The following FAT4 variants were observed in gnomAD, a reference collection of about 807,000 sequenced individuals.
FAT4 encodes the protein protocadherin Fat 4.
FAT4 carries 84 observed loss-of-function variants against 303.9 expected under a neutral mutation model. The observed-to-expected ratio is 0.28, with a 90% CI of 0.23 to 0.33. The LOEUF (loss-of-function observed/expected upper bound fraction) is 0.33, where lower values mean the gene tolerates loss of function less well. Ranked by LOEUF, FAT4 falls within the 10% of genes least tolerant of loss-of-function variation. FAT4 has a pLI of 1.00. For synonymous variants in FAT4, 2,307 were observed against 2,298.8 expected, an observed-to-expected ratio of 1.00 and a Z score of -0.10; for missense variants, 6,005 against 6,146.8, an observed-to-expected ratio of 0.98 and a Z score of 0.77.
chr4:125,372,967 A>T (rs1733181940), intron 2 of FAT4, among the ~76,000 whole-genome samples: 2 of 152,182 alleles, frequency 1.3e-5, no homozygotes, highest in South Asian at 2.1e-4. Flanking sequence ...AAAAACTCTA[A>T]GCCCGACAAC....
chr4:125,452,563 G>A lies in FAT4; in HGVS notation c.11553G>A (p.Lys3851=). Residue 3851 remains lysine, a synonymous_variant, in exon 10 of 18, where the codon AAG becomes AAA. Coordinates refer to ENST00000394329, the MANE Select transcript of FAT4 (RefSeq NM_001291303.3). ...ANEPLQPFLC[K]CLPGYAGSWC... ...AACCTCTGCAGCCTTTCTTATGCAA[G>A]TGTCTGCCAGGATATGCGGGTAGCT... 1.2e-6 allele frequency: 2 copies of A among 1,614,168 alleles called. No individual in the cohort carries two copies. The highest frequency in any genetic ancestry group is 1.7e-6 in the Non-Finnish European group (2 of 1,180,040).
At chr4:125,474,305 C>G (rs998131600) in intron 12 of FAT4, among the ~76,000 whole-genome samples, 1 of 151,896 alleles carries the variant, frequency 6.6e-6, no homozygotes, top group Non-Finnish European at 1.5e-5. Flanking sequence ...TACAAGGATA[C>G]TTGCATAATA....
In FAT4 at chr4:125,446,314, C is replaced by T. The variant is rs780496895; in HGVS notation, c.7221C>T (p.Asn2407=). Residue 2407 remains asparagine, a synonymous_variant, in exon 9 of 18, where the codon AAC becomes AAT. Coordinates refer to ENST00000394329, the MANE Select transcript of FAT4 (RefSeq NM_001291303.3). ...TTAGTTATAGGATCATCGGTGGAAA[C>T]TCTCAGTTCACGATCAACCCATCGA... ...AVISYRIIGG[N]SQFTINPSTG... 1.2e-5 allele frequency: 19 copies of T among 1,612,828 alleles called. No homozygotes were observed. The highest frequency in any genetic ancestry group is 1.6e-5 in the Non-Finnish European group (19 of 1,179,100).
At chr4:125,333,862 A>G (rs1039974025) in intron 2 of FAT4, among the ~76,000 whole-genome samples, 2 of 152,302 alleles carry the variant, frequency 1.3e-5, no homozygotes, top group Non-Finnish European at 2.9e-5. Context: ...AATAACTATC[A>G]CATACACTCT....
At chr4:125,394,947 A>AT (rs983595757) in intron 2 of FAT4, among the ~76,000 whole-genome samples, 1 of 152,154 alleles carries the variant, frequency 6.6e-6, no homozygotes, top group Non-Finnish European at 1.5e-5. Context: ...TCTTTTATAT[A>AT]TTTTGGTGAC....
intron 8 of FAT4, among the ~76,000 whole-genome samples, chr4:125,435,262 A>G (rs1281323482): frequency 1.3e-5 from 2 of 152,192 alleles, no homozygotes; most frequent in East Asian, 3.8e-4. Flanking sequence ...CTTCTTCCAT[A>G]TCTATTCTAA....
intron 3 of FAT4, among the ~76,000 whole-genome samples, chr4:125,399,584 C>A (rs1734306730): frequency 6.6e-6 from 1 of 151,962 alleles, no homozygotes; most frequent in South Asian, 2.1e-4. Context: ...TTCTTCCTCT[C>A]ATCTAAACTC....
rs72675324 is a variant in FAT4, at chr4:125,395,145, T to C, written c.5176-3639T>C. Among the ~76,000 whole-genome samples, 944 of 152,184 alleles carry C rather than the reference T, an allele frequency of 6.2e-3. 6 individuals carry two copies. Among genetic ancestry groups the C allele is most frequent in the Non-Finnish European group, 9.9e-3 (671 of 68,006 alleles). On this transcript the variant is annotated intron_variant, in intron 2 of 17. Transcript: ENST00000394329. ...TATCTATGCTAATGAGTTCAGATCT[T>C]CTCTCCTAGATAATTAAAACCGCAG...
chr4:125,388,331 ACTT>A (rs2126004440), intron 2 of FAT4, among the ~76,000 whole-genome samples: 1 of 152,286 alleles, frequency 6.6e-6, no homozygotes, highest in East Asian at 1.9e-4. Context: ...AAATCAAACC[ACTT>A]CTTTATTTTT....
intron 2 of FAT4, among the ~76,000 whole-genome samples, chr4:125,370,017 A>G (rs576788257): frequency 6.6e-6 from 1 of 152,186 alleles, no homozygotes; most frequent in South Asian, 2.1e-4. Flanking sequence ...TTTATCAAAA[A>G]TGGACACTTG....
chr4:125,380,839 GC>G (rs1464150052), intron 2 of FAT4, among the ~76,000 whole-genome samples: 2 of 152,080 alleles, frequency 1.3e-5, no homozygotes, highest in African/African-American at 2.4e-5. Context: ...TAATTTTTGT[GC>G]ATTTACTGGA....
chr4:125,451,633 A>C lies in FAT4; in HGVS notation c.10623A>C (p.Pro3541=). 6.2e-7 allele frequency: 1 copy of C among 1,614,132 alleles called. No homozygotes were observed. Among genetic ancestry groups the C allele is most frequent in the Non-Finnish European group, 8.5e-7 (1 of 1,180,002 alleles). The change falls in exon 10 of 18, where the codon CCA becomes CCC. Residue 3541 remains proline, a synonymous_variant. Coordinates refer to ENST00000394329, the MANE Select transcript of FAT4 (RefSeq NM_001291303.3). ...TLQSTDPDLP[P]NQGPFTYYLL... ...AGTCCACTGACCCTGATCTCCCTCC[A>C]AATCAAGGTCCCTTTACTTATTACT...
rs370341667 is a variant in FAT4 at position 125,459,115 on chromosome 4, G to A, written c.11801-4448G>A. 8.6e-5 allele frequency among the ~76,000 whole-genome samples: 13 copies of A among 151,986 alleles called. 1 individual carries two copies. The highest frequency in any genetic ancestry group is 2.6e-4 in the African/African-American group (11 of 41,526). ...CCATCTCCTCTGTGTAGAAATACAG[G>A]AGATTTAAAAATAATATTTATGGTA... On this transcript the variant is annotated intron_variant, in intron 10 of 17. Coordinates refer to ENST00000394329, the MANE Select transcript of FAT4 (RefSeq NM_001291303.3).
intron 16 of FAT4, among the ~76,000 whole-genome samples, chr4:125,484,461 T>C (rs1727339692): frequency 6.6e-6 from 1 of 152,170 alleles, no homozygotes; most frequent in African/African-American, 2.4e-5. Flanking sequence ...CTTTTGTGTT[T>C]GTCTGGTTTT....
At chr4:125,479,489 A>G (rs1473538815) in intron 14 of FAT4, among the ~76,000 whole-genome samples, 1 of 152,174 alleles carries the variant, frequency 6.6e-6, no homozygotes, top group East Asian at 1.9e-4. Context: ...AATTAATTTA[A>G]AGAAGAAATT....
chr4:125,360,974 T>G (rs981342709), intron 2 of FAT4, among the ~76,000 whole-genome samples: 1 of 147,486 alleles, frequency 6.8e-6, no homozygotes, highest in Non-Finnish European at 1.5e-5. Context: ...TTTTTATTAT[T>G]ATTTATTTTA....
At chr4:125,344,303 G>A (rs1040285786) in intron 2 of FAT4, among the ~76,000 whole-genome samples, 2 of 152,018 alleles carry the variant, frequency 1.3e-5, no homozygotes, top group African/African-American at 4.8e-5. Context: ...AAATTTATTA[G>A]GTGAATTATT....
intron 7 of FAT4, among the ~76,000 whole-genome samples, chr4:125,430,793 G>T (rs1171254520): frequency 6.6e-6 from 1 of 152,122 alleles, no homozygotes; most frequent in Non-Finnish European, 1.5e-5. Flanking sequence ...ATCACCTATG[G>T]GGCTGATCGT....
chr4:125,459,441 C>T (rs560899526), intron 10 of FAT4, among the ~76,000 whole-genome samples: 11 of 152,006 alleles, frequency 7.2e-5, no homozygotes, highest in East Asian at 1.9e-4. Context: ...GGAAAGTCTG[C>T]GGATACCATG....
Sources: gnomAD v4.1 joint callset for allele counts (sites outside exome capture counted in the v4.1 genomes callset) on GRCh38, gnomAD v4.1.1 for gene constraint, MANE v1.5 for transcripts, NCBI Gene and HGNC (gene_info 2026-07-23, HGNC 2026-07-21) for gene names.